TRDN: variants seen among roughly 807,000 people sequenced by gnomAD.
TRDN encodes the protein triadin in skeletal muscle.
A neutral mutation model predicts 149.7 loss-of-function variants in TRDN; 161 were observed. The ratio of observed to expected loss-of-function variants is 1.08; its 90% CI spans 0.95 to 1.23. The LOEUF is 1.23. Among genes scored for constraint, TRDN ranks in the 50% most tolerant of loss-of-function variants. The pLI is 0.00. For synonymous variants in TRDN, 294 were observed against 250.5 expected, an observed-to-expected ratio of 1.17 and a Z score of -1.64; for missense variants, 896 against 823.5, an observed-to-expected ratio of 1.09 and a Z score of -1.08.
intron 5 of TRDN, among the ~76,000 whole-genome samples, chr6:123,519,159 T>C (rs540755424): frequency 6.6e-6 from 1 of 152,138 alleles, no homozygotes; most frequent in Non-Finnish European, 1.5e-5. Context: ...TCATCCTTAT[T>C]TACAAGAAAC....
chr6:123,303,049 C>T (rs9320924), intron 24 of TRDN, among the ~76,000 whole-genome samples: 28,382 of 151,886 alleles, frequency 0.19, 3,583 homozygotes, highest in East Asian at 0.66. Context: ...ATTTGATAGA[C>T]TGGCATGGAA....
At chr6:123,535,328 A>G (rs1780473454) in intron 4 of TRDN, among the ~76,000 whole-genome samples, 1 of 152,146 alleles carries the variant, frequency 6.6e-6, no homozygotes, top group Non-Finnish European at 1.5e-5. Context: ...TGAAGGATTT[A>G]AGAGAAGGGC....
chr6:123,501,063 T>C (rs1778677433), intron 8 of TRDN, among the ~76,000 whole-genome samples: 1 of 151,904 alleles, frequency 6.6e-6, no homozygotes, highest in African/African-American at 2.4e-5. Flanking sequence ...TTGATGGGTG[T>C]GTGTGTGTGT....
At chr6:123,589,367 T>G (rs1783671200) in intron 1 of TRDN, among the ~76,000 whole-genome samples, 1 of 146,842 alleles carries the variant, frequency 6.8e-6, no homozygotes, top group East Asian at 2.2e-4. Flanking sequence ...GGGCCAAATT[T>G]GCACAAATAA....
At chr6:123,446,231 T>A (rs946788446) in intron 10 of TRDN, among the ~76,000 whole-genome samples, 2 of 145,420 alleles carry the variant, frequency 1.4e-5, no homozygotes, top group African/African-American at 5.2e-5. Flanking sequence ...CTCTGGGGAC[T>A]GTTGTGGGGT....
rs1562247000 is a variant in TRDN, at chr6:123,289,015, G to GT, written c.1511-9934_1511-9933insA. ...AAATATATGGATTTAAAAATGTGGGGGGTGTGTGTGTGTGTGTGTGTGTAT... is the reference window on the plus strand; with the variant it reads ...AAATATATGGATTTAAAAATGTGGGGTGGTGTGTGTGTGTGTGTGTGTGTAT... On this transcript the variant is annotated intron_variant, in intron 24 of 40. Coordinates refer to ENST00000334268, the MANE Select transcript of TRDN (RefSeq NM_006073.4). Among the ~76,000 whole-genome samples, 2,484 of 102,460 alleles carry GT rather than the reference G, an allele frequency of 0.024. 65 individuals are homozygous for GT. The East Asian group carries it at 0.26, about 11-fold the overall frequency. The allele number at this position is 102,460 out of a possible 152,430, so 67.2% of individuals were successfully genotyped here.
intron 13 of TRDN, chr6:123,389,477 T>C (rs1782028052): frequency 1.3e-5 from 2 of 152,168 alleles, no homozygotes; most frequent in African/African-American, 4.8e-5. Context: ...CTCTTTCAGG[T>C]ACATCCTCTT....
intron 5 of TRDN, among the ~76,000 whole-genome samples, chr6:123,524,313 G>A (rs1171686344): frequency 2.0e-5 from 3 of 152,098 alleles, no homozygotes; most frequent in African/African-American, 7.2e-5. Flanking sequence ...AAAGTCAGGT[G>A]GGAATTTTAT....
At chr6:123,321,382 A>C (rs1230528620) in intron 23 of TRDN, among the ~76,000 whole-genome samples, 3 of 152,152 alleles carry the variant, frequency 2.0e-5, no homozygotes, top group South Asian at 2.1e-4. Context: ...ATTAAAAAAA[A>C]CATTTTATTT....
At chr6:123,571,884 T>C (rs1487295414) in intron 1 of TRDN, among the ~76,000 whole-genome samples, 1 of 152,122 alleles carries the variant, frequency 6.6e-6, no homozygotes, top group Non-Finnish European at 1.5e-5. Context: ...TGTAATTTTA[T>C]GGCTGTGCGT....
intron 4 of TRDN, among the ~76,000 whole-genome samples, chr6:123,542,693 A>G (rs1780897478): frequency 6.6e-6 from 1 of 152,188 alleles, no homozygotes; most frequent in African/African-American, 2.4e-5. Flanking sequence ...AAAATAAACC[A>G]GTCATAAACC....
chr6:123,406,965 C>T (rs1384279238), intron 12 of TRDN, among the ~76,000 whole-genome samples: 1 of 151,924 alleles, frequency 6.6e-6, no homozygotes, highest in African/African-American at 2.4e-5. Context: ...GAAAAGAAAC[C>T]CACAATACCT....
At chr6:123,331,666 A>T (rs1386184653) in intron 23 of TRDN, among the ~76,000 whole-genome samples, 1 of 152,060 alleles carries the variant, frequency 6.6e-6, no homozygotes, top group East Asian at 1.9e-4. Context: ...AAATTTTTGC[A>T]GTATTTCTGA....
chr6:123,467,350 T>C (rs933702224), intron 9 of TRDN, among the ~76,000 whole-genome samples: 2 of 151,084 alleles, frequency 1.3e-5, no homozygotes, highest in Admixed American at 6.6e-5. Context: ...TGCCAATATA[T>C]ATATATTTAT....
chr6:123,481,653 G>A (rs1201449430), intron 9 of TRDN, among the ~76,000 whole-genome samples: 1 of 152,050 alleles, frequency 6.6e-6, no homozygotes, highest in African/African-American at 2.4e-5. Flanking sequence ...CATACCATTA[G>A]CACTCAGTAC....
chr6:123,575,330 G>A (rs1464197752), intron 1 of TRDN, among the ~76,000 whole-genome samples: 1 of 151,994 alleles, frequency 6.6e-6, no homozygotes, highest in African/African-American at 2.4e-5. Context: ...GCCACACAGA[G>A]CCAAGAGGAA....
chr6:123,257,373 C>G (rs1160607498), intron 35 of TRDN, among the ~76,000 whole-genome samples: 1 of 152,182 alleles, frequency 6.6e-6, no homozygotes, highest in African/African-American at 2.4e-5. Context: ...CCAATTTTCC[C>G]AACACCATTT....
chr6:123,536,565 G>A (rs558865226), intron 4 of TRDN, among the ~76,000 whole-genome samples: 2 of 151,914 alleles, frequency 1.3e-5, no homozygotes, highest in South Asian at 2.1e-4. Context: ...AAACTGCAAC[G>A]ATTGGCCAGG....
chr6:123,556,280 A>G (rs1781647770), intron 2 of TRDN, among the ~76,000 whole-genome samples: 1 of 152,178 alleles, frequency 6.6e-6, no homozygotes, highest in Non-Finnish European at 1.5e-5. Flanking sequence ...CAATCACTTG[A>G]ACAATAAATC....
Sources: allele counts gnomAD v4.1 joint callset (sites outside exome capture counted in the v4.1 genomes callset), GRCh38; gene constraint gnomAD v4.1.1; transcripts MANE v1.5; gene names NCBI Gene and HGNC (gene_info 2026-07-23, HGNC 2026-07-21).